FRMD4A: variants seen among roughly 807,000 people sequenced by gnomAD.
The protein encoded by FRMD4A is FERM domain-containing protein 4A.
FRMD4A carries 29 observed loss-of-function variants against 129.1 expected under a neutral mutation model. The ratio of observed to expected loss-of-function variants is 0.22; its 90% CI spans 0.17 to 0.31. The LOEUF is 0.31. Among genes scored for constraint, FRMD4A ranks in the 10% least tolerant of loss-of-function variants. The pLI is 1.00. For missense variants in FRMD4A, 1,272 were observed against 1,375.8 expected, an observed-to-expected ratio of 0.92 and a Z score of 1.19; for synonymous variants, 634 against 571.6, an observed-to-expected ratio of 1.11 and a Z score of -1.56.
intron 3 of FRMD4A, among the ~76,000 whole-genome samples, chr10:13,838,095 T>C (rs888611520): frequency 6.6e-6 from 1 of 152,084 alleles, no homozygotes; most frequent in Non-Finnish European, 1.5e-5. Context: ...TATCTCTTTA[T>C]TTAGTTATTT....
chr10:13,833,430 G>A (rs2093821655), intron 3 of FRMD4A, among the ~76,000 whole-genome samples: 1 of 152,130 alleles, frequency 6.6e-6, no homozygotes, highest in Admixed American at 6.5e-5. Flanking sequence ...CTTGACACAT[G>A]GGAATTATTA....
intron 2 of FRMD4A, among the ~76,000 whole-genome samples, chr10:14,031,202 G>T (rs7901829): frequency 0.81 from 123,846 of 151,960 alleles, 50,853 homozygotes; most frequent in South Asian, 0.93. Context: ...GCATTTGTTT[G>T]CTAGGGTTCA....
At chr10:13,759,284 G>C (rs1419761366) in intron 8 of FRMD4A, among the ~76,000 whole-genome samples, 1 of 152,180 alleles carries the variant, frequency 6.6e-6, no homozygotes, top group Non-Finnish European at 1.5e-5. Flanking sequence ...AGCACAACCC[G>C]GATCCTTTGT....
At chr10:13,672,251 C>G (rs997462734) in intron 16 of FRMD4A, among the ~76,000 whole-genome samples, 1 of 152,118 alleles carries the variant, frequency 6.6e-6, no homozygotes, top group Non-Finnish European at 1.5e-5. Context: ...CAATGGCCAA[C>G]TATCTGAGTA....
intron 2 of FRMD4A, among the ~76,000 whole-genome samples, chr10:14,124,049 T>C (rs1272675424): frequency 6.6e-6 from 1 of 152,132 alleles, no homozygotes; most frequent in African/African-American, 2.4e-5. Flanking sequence ...CCAACTCACA[T>C]GAGTAACACT....
intron 2 of FRMD4A, among the ~76,000 whole-genome samples, chr10:14,058,251 T>C (rs1170788493): frequency 6.6e-6 from 1 of 152,178 alleles, no homozygotes; most frequent in Non-Finnish European, 1.5e-5. Flanking sequence ...TCCCATAAAA[T>C]TCATTTAGGG....
chr10:13,878,936 T>C (rs1197365739), intron 2 of FRMD4A, among the ~76,000 whole-genome samples: 1 of 152,102 alleles, frequency 6.6e-6, no homozygotes, highest in Non-Finnish European at 1.5e-5. Flanking sequence ...GCAGGGACAG[T>C]GATGACATTT....
At chr10:13,647,953 A>G (rs3829207) in intron 24 of FRMD4A, 121,266 of 151,972 alleles carry the variant, frequency 0.8, 48,658 homozygotes, top group East Asian at 0.85. Flanking sequence ...GGGATGGGTG[A>G]CAGGAAGGGA....
At chr10:13,862,224 T>G (rs1415132609) in intron 2 of FRMD4A, among the ~76,000 whole-genome samples, 1 of 152,210 alleles carries the variant, frequency 6.6e-6, no homozygotes, top group Non-Finnish European at 1.5e-5. Flanking sequence ...CATAAAAGGT[T>G]AAGGGTATAA....
At chr10:14,194,333 G>A (rs1396213558) in intron 2 of FRMD4A, among the ~76,000 whole-genome samples, 1 of 152,144 alleles carries the variant, frequency 6.6e-6, no homozygotes, top group Non-Finnish European at 1.5e-5. Context: ...GGAGGAGGCC[G>A]GGTGCAGTGG....
At chr10:13,972,387 A>G (rs1033103812) in intron 2 of FRMD4A, 15 of 889,928 alleles carry the variant, frequency 1.7e-5, no homozygotes, top group Non-Finnish European at 2.0e-5. Context: ...TCTGTGGGCA[A>G]TTTGTAAGAA....
intron 16 of FRMD4A, among the ~76,000 whole-genome samples, chr10:13,672,352 C>CT (rs1429782460): frequency 6.6e-6 from 1 of 151,466 alleles, no homozygotes; most frequent in African/African-American, 2.4e-5. Context: ...TATTCCGCAA[C>CT]TTTTTTTTAA....
rs201343809 is a variant in FRMD4A at position 14,330,136 on chromosome 10, G to A, written c.-34C>T. On this transcript the variant is annotated 5_prime_UTR_variant, in exon 2 of 25. Transcript: ENST00000357447. ...ATTCCCATGCACGAATCCTGCTGCCGAGTCAGTCCTCCTGGGCCCCGGGTG... is the reference window on the plus strand; with the variant it reads ...ATTCCCATGCACGAATCCTGCTGCCAAGTCAGTCCTCCTGGGCCCCGGGTG... The A allele has an allele frequency of 1.2e-3, 1,789 of 1,550,332 alleles. 1 individual carries two copies. The highest frequency in any genetic ancestry group is 1.4e-3 in the Non-Finnish European group (1,628 of 1,146,242).
intron 2 of FRMD4A, among the ~76,000 whole-genome samples, chr10:13,955,774 A>C (rs1197409958): frequency 6.6e-6 from 1 of 152,234 alleles, no homozygotes; most frequent in African/African-American, 2.4e-5. Flanking sequence ...TGTGTTCCAT[A>C]TGTGGAGATA....
At chr10:14,113,342 C>A (rs1838024511) in intron 2 of FRMD4A, among the ~76,000 whole-genome samples, 1 of 152,112 alleles carries the variant, frequency 6.6e-6, no homozygotes, top group South Asian at 2.1e-4. Flanking sequence ...GGATAAAGGC[C>A]TTTATGATGA....
intron 2 of FRMD4A, among the ~76,000 whole-genome samples, chr10:14,178,134 C>T (rs1249726951): frequency 6.6e-6 from 1 of 152,218 alleles, no homozygotes; most frequent in Non-Finnish European, 1.5e-5. Context: ...ACACAGCATT[C>T]AGTTCAATGA....
intron 5 of FRMD4A, 146 bp downstream of exon 5, chr10:13,796,350 G>A: frequency 3.2e-6 from 2 of 631,942 alleles, no homozygotes; most frequent in Admixed American, 4.9e-5. Context: ...TTCCATCTAT[G>A]AGGCATGCAG....
chr10:13,911,654 C>G (rs181447910), intron 2 of FRMD4A, among the ~76,000 whole-genome samples: 2 of 152,124 alleles, frequency 1.3e-5, no homozygotes, highest in Non-Finnish European at 2.9e-5. Flanking sequence ...CTCCGCCTCC[C>G]GGGTTCAAGC....
intron 2 of FRMD4A, among the ~76,000 whole-genome samples, chr10:14,164,417 G>A (rs1347153549): frequency 2.0e-5 from 3 of 152,190 alleles, no homozygotes; most frequent in African/African-American, 7.2e-5. Flanking sequence ...CAGGCAACCC[G>A]GAAGCTGGTT....
Sources: gnomAD v4.1 joint callset for allele counts (sites outside exome capture counted in the v4.1 genomes callset) on GRCh38, gnomAD v4.1.1 for gene constraint, MANE v1.5 for transcripts, NCBI Gene and HGNC (gene_info 2026-07-23, HGNC 2026-07-21) for gene names.